Variants in BRCA2 observed in about 807,000 individuals in gnomAD.
BRCA2 encodes BRCA2 DNA repair associated.
In BRCA2, 203 loss-of-function variants were observed where a neutral mutation model predicts 276.7. That is an observed-to-expected ratio of 0.73 (90% confidence interval 0.65 to 0.82). BRCA2 has a LOEUF of 0.82. Ranked by LOEUF, BRCA2 falls within the 40% of genes least tolerant of loss-of-function variation. The pLI is 0.00. For synonymous variants in BRCA2, 1,289 were observed against 1,338.4 expected (o/e 0.96, Z 0.81); for missense variants, 3,920 against 3,915.0 (o/e 1.00, Z -0.03).
intron 24 of BRCA2, among the ~76,000 whole-genome samples, chr13:32,391,247 C>T (rs1054031275): frequency 4.6e-5 from 7 of 152,172 alleles, no homozygotes; most frequent in African/African-American, 1.7e-4. Flanking sequence ...TTACAGATTT[C>T]ATGTAGGAGA....
intron 24 of BRCA2, among the ~76,000 whole-genome samples, chr13:32,383,086 G>A (rs1242274286): frequency 1.0e-5 from 1 of 98,262 alleles, no homozygotes; most frequent in Non-Finnish European, 2.3e-5. Flanking sequence ...AGGGGGCCAG[G>A]CGCGGTGGCT....
intron 7 of BRCA2, among the ~76,000 whole-genome samples, chr13:32,327,607 TTG>T (rs2072359293): frequency 1.3e-5 from 2 of 150,896 alleles, no homozygotes; most frequent in African/African-American, 4.9e-5. Flanking sequence ...GAGGCGGATC[TTG>T]TAGTGATCTG....
chr13:32,388,152 T>A (rs1374187370), intron 24 of BRCA2, among the ~76,000 whole-genome samples: 2 of 147,566 alleles, frequency 1.4e-5, no homozygotes, highest in Non-Finnish European at 3.0e-5. Flanking sequence ...AGGGTCTCAC[T>A]CTGTTGCCCA....
At chr13:32,351,865 G>C (rs907447765) in intron 13 of BRCA2, among the ~76,000 whole-genome samples, 1 of 151,972 alleles carries the variant, frequency 6.6e-6, no homozygotes, top group South Asian at 2.1e-4. Flanking sequence ...ACAGTGGCAC[G>C]ATCTTGGCTC....
chr13:32,355,414 A>G, intron 14 of BRCA2, 126 bp downstream of exon 14: 1 of 1,086,088 alleles, frequency 9.2e-7, no homozygotes, highest in African/African-American at 1.6e-5. Flanking sequence ...AATGTTTTAG[A>G]TTTTCTAAAT....
chr13:32,340,167 G>A lies in BRCA2; in HGVS notation c.5812G>A (p.Gly1938Arg), dbSNP rs764884869. ...TTTACAACATAACCAAAATATGTCT[G>A]GATTGGAGAAAGTTTCTAAAATATC... ...EILQHNQNMS[G>R]LEKVSKISPC... Residue 1938 changes from glycine to arginine, a missense_variant, in exon 11 of 27, where the codon GGA (glycine) becomes AGA (arginine). By Grantham distance (125) the Gly-to-Arg change is moderately radical. This residue lies in a region of BRCA2 where 3,263 missense variants were observed against 3,156.9 expected (regional missense o/e 1.03). Coordinates refer to ENST00000380152, the MANE Select transcript of BRCA2 (RefSeq NM_000059.4). The A allele has an allele frequency of 6.2e-7, 1 of 1,613,104 alleles. No homozygotes were observed. The highest frequency in any genetic ancestry group is 8.5e-7 in the Non-Finnish European group (1 of 1,179,342).
At chr13:32,341,250 A>G in intron 11 of BRCA2, 54 bp downstream of exon 11, 2 of 1,607,610 alleles carry the variant, frequency 1.2e-6, no homozygotes, top group South Asian at 1.1e-5. Flanking sequence ...TAAAGTGTTT[A>G]TTCAGTAGAC....
intron 24 of BRCA2, among the ~76,000 whole-genome samples, chr13:32,387,726 G>A (rs775874657): frequency 1.1e-4 from 16 of 152,148 alleles, no homozygotes; most frequent in African/African-American, 3.6e-4. Flanking sequence ...AGTAGATAGC[G>A]GTAGAAGGAA....
intron 10 of BRCA2, among the ~76,000 whole-genome samples, chr13:32,336,047 A>G (rs1034527957): frequency 6.6e-6 from 1 of 151,484 alleles, no homozygotes; most frequent in Non-Finnish European, 1.5e-5. Flanking sequence ...ACACCCAGCT[A>G]ATTTTTATTT....
Position 32,339,563 on chromosome 13 carries a change from A to G in BRCA2, c.5208A>G (p.Gln1736=), listed in dbSNP as rs2072523424. 1 of 1,608,518 alleles carries G rather than the reference A, an allele frequency of 6.2e-7. No individual in the cohort carries two copies. The highest frequency in any genetic ancestry group is 1.7e-5 in the Admixed American group (1 of 59,524). ...ACAAAAATCATCTCTCCGAAAAACA[A>G]GATACTTATTTAAGTAACAGTAGCA... ...ENDKNHLSEK[Q]DTYLSNSSMS... The change falls in exon 11 of 27, where the codon CAA becomes CAG. Residue 1736 remains glutamine (Q), a synonymous_variant. Coordinates refer to ENST00000380152, the MANE Select transcript of BRCA2 (RefSeq NM_000059.4).
Position 32,337,908 on chromosome 13 carries a change from A to G in BRCA2, c.3553A>G (p.Thr1185Ala), listed in dbSNP as rs786202485. Residue 1185 changes from threonine to alanine, a missense_variant, in exon 11 of 27, where the codon ACA becomes GCA. Coordinates refer to ENST00000380152, the MANE Select transcript of BRCA2 (RefSeq NM_000059.4). ...QVDSSKQFEG[T>A]VEIKRKFAGL... ...AGACAGCAGCAAGCAATTTGAAGGT[A>G]CAGTTGAAATTAAACGGAAGTTTGC... The G allele has an allele frequency of 6.2e-7, 1 of 1,614,132 alleles. No homozygotes were observed. The highest frequency in any genetic ancestry group is 8.5e-7 in the Non-Finnish European group (1 of 1,179,964).
At position 32,338,260 on chromosome 13, in the gene BRCA2, C is replaced by T. The variant is rs80358634; in HGVS notation, c.3905C>T (p.Thr1302Ile). The change falls in exon 11 of 27, where the codon ACT becomes ATT. Residue 1302 changes from threonine (T) to isoleucine (I), a missense_variant. Around this residue, in one of 2 missense-constraint regions of BRCA2, gnomAD observed 3,263 missense variants for 3,156.9 expected, o/e 1.03. Coordinates refer to ENST00000380152, the MANE Select transcript of BRCA2 (RefSeq NM_000059.4). Reference sequence around the variant, plus strand: ...TTACAAAATAATATTGAAATGACTACTGGCACTTTTGTTGAAGAAATTACT... The same window carrying T: ...TTACAAAATAATATTGAAATGACTATTGGCACTTTTGTTGAAGAAATTACT... ...LILQNNIEMTTGTFVEEITEN... is the reference protein window; with the variant it reads ...LILQNNIEMTIGTFVEEITEN... 2 of 1,560,432 alleles carry T rather than the reference C, an allele frequency of 1.3e-6. No homozygotes were observed. The highest frequency in any genetic ancestry group is 1.4e-5 in the African/African-American group (1 of 72,526).
intron 12 of BRCA2, among the ~76,000 whole-genome samples, chr13:32,346,031 A>G (rs1279962383): frequency 6.6e-6 from 1 of 151,720 alleles, no homozygotes; most frequent in Non-Finnish European, 1.5e-5. Flanking sequence ...CTTTTTTTCC[A>G]TTTGTTTTCA....
rs80358728 is a variant in BRCA2 at position 32,339,390 on chromosome 13, A to C, written c.5035A>C (p.Thr1679Pro). 1.9e-6 allele frequency: 3 copies of C among 1,595,274 alleles called. No individual in the cohort carries two copies. Among genetic ancestry groups the C allele is most frequent in the Non-Finnish European group, 2.6e-6 (3 of 1,172,188 alleles). ...TTTTTACACAAGTTGTAGTAGAAAAACTTCTGTGAGTCAGACTTCATTACT... is the reference window on the plus strand; with the variant it reads ...TTTTTACACAAGTTGTAGTAGAAAACCTTCTGTGAGTCAGACTTCATTACT... Reference protein sequence around the residue: ...LAFYTSCSRKTSVSQTSLLEA... With the variant: ...LAFYTSCSRKPSVSQTSLLEA... The change falls in exon 11 of 27, where the codon ACT (threonine) becomes CCT (proline). Residue 1679 changes from threonine (T) to proline (P), a missense_variant. By Grantham distance (38) the Thr-to-Pro change is conservative. This residue lies in a region of BRCA2 where 3,263 missense variants were observed against 3,156.9 expected (regional missense o/e 1.03). Coordinates refer to ENST00000380152, the MANE Select transcript of BRCA2 (RefSeq NM_000059.4).
At chr13:32,322,152 CCCT>C (rs2072310267) in intron 3 of BRCA2, among the ~76,000 whole-genome samples, 1 of 152,226 alleles carries the variant, frequency 6.6e-6, no homozygotes, top group South Asian at 2.1e-4. Context: ...GCTCACCCAT[CCCT>C]CCTCCTGAGC....
chr13:32,394,048 A>G (rs918666913), intron 24 of BRCA2, among the ~76,000 whole-genome samples: 7 of 152,128 alleles, frequency 4.6e-5, no homozygotes, highest in Admixed American at 2.0e-4. Flanking sequence ...GAAGGGGAAC[A>G]TACTCTAGCC....
chr13:32,338,425 T>C lies in BRCA2; in HGVS notation c.4070T>C (p.Leu1357Pro), dbSNP rs55796504. The change falls in exon 11 of 27, where the codon CTA becomes CCA. Residue 1357 changes from leucine to proline, a missense_variant. Transcript: ENST00000380152. ...VCIHKDETDL[L>P]FTDQHNICLK... Reference sequence around the variant, plus strand: ...ATTCATAAAGATGAAACGGACTTGCTATTTACTGATCAGCACAACATATGT... The same window carrying C: ...ATTCATAAAGATGAAACGGACTTGCCATTTACTGATCAGCACAACATATGT... The C allele has an allele frequency of 1.2e-6, 2 of 1,609,366 alleles. No homozygotes were observed. Among genetic ancestry groups the C allele is most frequent in the Non-Finnish European group, 8.5e-7 (1 of 1,178,536 alleles).
In BRCA2 at chr13:32,379,326, A is replaced by G. The variant is rs80359132; in HGVS notation, c.8764A>G (p.Ser2922Gly). 1.1e-5 allele frequency: 18 copies of G among 1,613,504 alleles called. No individual in the cohort carries two copies. The highest frequency in any genetic ancestry group is 1.4e-5 in the Non-Finnish European group (16 of 1,179,732). ...TCTTAAATGGTCACAGGGTTATTTC[A>G]GTGAAGAGCAGTTAAGAGCCTTGAA... is the stretch of plus-strand genomic sequence containing the variant. ...ADPAYLEGYF[S>G]EEQLRALNNH... Residue 2922 changes from serine (S) to glycine (G), a missense_variant, in exon 22 of 27, where the codon AGT becomes GGT. By Grantham distance (56) the Ser-to-Gly change is moderately conservative (BLOSUM62 0). Transcript: ENST00000380152.
At chr13:32,384,304 A>AG (rs1555288828) in intron 24 of BRCA2, among the ~76,000 whole-genome samples, 3 of 152,170 alleles carry the variant, frequency 2.0e-5, no homozygotes, top group Non-Finnish European at 4.4e-5. Context: ...CCTGCAGGAA[A>AG]GGGTGACGGT....
Sources: gnomAD v4.1 joint callset for allele counts (sites outside exome capture counted in the v4.1 genomes callset) on GRCh38, gnomAD v4.1.1 for gene constraint, gnomAD v4.1.1 regional missense constraint, MANE v1.5 for transcripts, NCBI Gene and HGNC (gene_info 2026-07-23, HGNC 2026-07-21) for gene names.